The following CCDC93 variants were observed in gnomAD, a reference collection of about 807,000 sequenced individuals.
The protein encoded by CCDC93 is CCC complex scaffolding subunit CCDC93, also known as coiled-coil domain-containing protein 93.
A neutral mutation model predicts 108.2 loss-of-function variants in CCDC93; 61 were observed. The observed-to-expected ratio is 0.56, with a 90% CI of 0.46 to 0.70. CCDC93 has a LOEUF of 0.70. CCDC93 is among the 30% of genes least tolerant of loss of function. The pLI is 0.00. For missense variants in CCDC93, 685 were observed against 764.2 expected, an observed-to-expected ratio of 0.90 and a Z score of 1.22; for synonymous variants, 276 against 260.4, an observed-to-expected ratio of 1.06 and a Z score of -0.58.
rs527685354 is a variant in CCDC93, at chr2:117,963,496, G to A, written c.889-5015C>T. Among the ~76,000 whole-genome samples, 27 of 152,266 alleles carry A rather than the reference G, an allele frequency of 1.8e-4. 1 individual carries two copies. The South Asian group carries it at 4.4e-3, about 25-fold the overall frequency. On this transcript the variant is annotated intron_variant, in intron 11 of 23. Coordinates refer to ENST00000376300, the MANE Select transcript of CCDC93 (RefSeq NM_019044.5). Reference sequence around the variant, plus strand: ...TAGGAGGGAATCATCCACTTTCCCTGATCTATATTCTGCTTCCAAAAATGA... The same window carrying A: ...TAGGAGGGAATCATCCACTTTCCCTAATCTATATTCTGCTTCCAAAAATGA...
chr2:117,999,456 AT>A (rs1168924191), intron 4 of CCDC93: 1 of 152,198 alleles, frequency 6.6e-6, no homozygotes, highest in African/African-American at 2.4e-5. Context: ...AATGTAAGGG[AT>A]TATAATAAAC....
Position 117,916,257 on chromosome 2 carries a change from A to C in CCDC93, c.*4086T>G, listed in dbSNP as rs1677682914. ...TGCCCATCAAGTTACCTTTAGGTTC[A>C]TGACACATTTTGAGCCAAAACATAC... On this transcript the variant is annotated 3_prime_UTR_variant, in exon 24 of 24. Transcript: ENST00000376300. 1 of 152,164 alleles carries C rather than the reference A, an allele frequency of 6.6e-6. No individual in the cohort carries two copies. 9.4% of individuals were successfully genotyped at this position (152,164 alleles called of 1,614,324 possible). A position where few individuals can be genotyped will look rare whatever the true frequency, so the allele number is the denominator to read the frequency against.
intron 6 of CCDC93, 32 bp from the exon 7 acceptor site, chr2:117,986,101 G>A (rs770626538): frequency 6.4e-5 from 86 of 1,337,362 alleles, no homozygotes; most frequent in Non-Finnish European, 8.7e-5. Flanking sequence ...GTTACTGAGT[G>A]TGAGAAGGCT....
At chr2:117,927,152 C>T (rs1025145363) in intron 23 of CCDC93, among the ~76,000 whole-genome samples, 8 of 152,152 alleles carry the variant, frequency 5.3e-5, no homozygotes, top group Admixed American at 1.3e-4. Context: ...GACAAACCCA[C>T]AGTCAATATC....
At chr2:117,951,087 T>C in intron 13 of CCDC93, 3 of 849,934 alleles carry the variant, frequency 3.5e-6, no homozygotes, top group Non-Finnish European at 4.2e-6. Flanking sequence ...AGTCACTTAG[T>C]TTATATCCTA....
In CCDC93 at chr2:118,007,025, G is replaced by A. The variant is rs536484374; in HGVS notation, c.157-209C>T. Among the ~76,000 whole-genome samples, 143 of 141,308 alleles carry A rather than the reference G, an allele frequency of 1.0e-3. No homozygotes were observed. The Middle Eastern group carries it at 0.019, about 18-fold the overall frequency. 92.7% of individuals were successfully genotyped at this position (141,308 alleles called of 152,430 possible). A position where few individuals can be genotyped will look rare whatever the true frequency, so the allele number is the denominator to read the frequency against. ...TTACAGAAAACTTTCTGCAGTGACA[G>A]AAATATTCCGTTATCTGCAAGGACA... On this transcript the variant is annotated intron_variant, in intron 2 of 23. Transcript: ENST00000376300.
In CCDC93 at chr2:117,974,895, A is replaced by G; in HGVS notation, c.756T>C (p.Arg252=). The G allele has an allele frequency of 6.4e-7, 1 of 1,563,178 alleles. No homozygotes were observed. Among genetic ancestry groups the G allele is most frequent in the Non-Finnish European group, 8.7e-7 (1 of 1,152,834 alleles). Residue 252 remains arginine (R), a synonymous_variant, in exon 10 of 24, where the codon CGT becomes CGC. Transcript: ENST00000376300. Reference sequence around the variant, plus strand: ...TCATCTTGGTCATCAGCGACTGAATACGCTGCTGAAAGAGGAATGGAAGGG... The same window carrying G: ...TCATCTTGGTCATCAGCGACTGAATGCGCTGCTGAAAGAGGAATGGAAGGG... The part of the protein sequence containing the change: ...EDELRAAEEQ[R]IQSLMTKMTA...
Position 117,949,308 on chromosome 2 carries a change from C to A in CCDC93, c.1142+14G>T. The A allele has an allele frequency of 6.3e-7, 1 of 1,594,908 alleles. No homozygotes were observed. The highest frequency in any genetic ancestry group is 1.7e-5 in the Admixed American group (1 of 59,528). On this transcript the variant is annotated intron_variant, in intron 14 of 23. Transcript: ENST00000376300. ...TCATCAAAGCAAAAATAAGCACATG[C>A]TGAAACCTCTTACCTTGGATCAGCT...
chr2:117,991,992 G>A (rs538795670), intron 6 of CCDC93, among the ~76,000 whole-genome samples: 10 of 152,132 alleles, frequency 6.6e-5, no homozygotes, highest in Non-Finnish European at 1.5e-4. Context: ...GTGGTAGAAG[G>A]GAGGGAGGAA....
intron 22 of CCDC93, among the ~76,000 whole-genome samples, chr2:117,931,936 T>C (rs1678348144): frequency 6.6e-6 from 1 of 152,214 alleles, no homozygotes; most frequent in African/African-American, 2.4e-5. Flanking sequence ...GCAAAGTCAC[T>C]GCTCTCACAG....
intron 7 of CCDC93, among the ~76,000 whole-genome samples, chr2:117,980,714 T>C (rs79566551): frequency 0.097 from 14,816 of 152,304 alleles, 958 homozygotes; most frequent in East Asian, 0.27. Context: ...TCATATAATA[T>C]AAAATTCACC....
At chr2:117,995,707 G>A in intron 5 of CCDC93, 4 of 517,082 alleles carry the variant, frequency 7.7e-6, no homozygotes, top group Non-Finnish European at 1.4e-5. Context: ...TCCCTACACA[G>A]CCAGTAAGAA....
Position 117,919,121 on chromosome 2 carries a change from G to A in CCDC93, c.*1222C>T, listed in dbSNP as rs1188658719. The A allele has an allele frequency of 6.6e-6, 1 of 152,146 alleles. No homozygotes were observed. The highest frequency in any genetic ancestry group is 1.5e-5 in the Non-Finnish European group (1 of 68,050). The allele number at this position is 152,146 out of a possible 1,614,324, so 9.4% of individuals were successfully genotyped here. A position where few individuals can be genotyped will look rare whatever the true frequency, so the allele number is the denominator to read the frequency against. ...CAGACTCCTGAGGACCAGGGCAGCA[G>A]GAGCTCCATGTTTGATCTGCACTGG... On this transcript the variant is annotated 3_prime_UTR_variant, in exon 24 of 24. Transcript: ENST00000376300.
intron 8 of CCDC93, 132 bp from the exon 9 acceptor site, chr2:117,975,412 G>T: frequency 3.0e-6 from 2 of 664,992 alleles, no homozygotes; most frequent in South Asian, 1.8e-5. Flanking sequence ...TGAGAGAGTG[G>T]ATACTCCAAA....
At chr2:117,952,525 GA>G in intron 12 of CCDC93, 90 bp from the exon 13 acceptor site, 2 of 1,007,288 alleles carry the variant, frequency 2.0e-6, no homozygotes, top group Non-Finnish European at 3.1e-6. Flanking sequence ...TGAAAGCTCA[GA>G]AAGATTTAAA....
chr2:117,932,187 G>T (rs907449640), intron 22 of CCDC93, among the ~76,000 whole-genome samples: 7 of 152,208 alleles, frequency 4.6e-5, no homozygotes, highest in Non-Finnish European at 8.8e-5. Context: ...GCCAGGAAAT[G>T]AGGGCAGTAA....
Position 117,974,842 on chromosome 2 carries a change from C to A in CCDC93, c.801+8G>T. The A allele has an allele frequency of 6.4e-7, 1 of 1,568,478 alleles. No individual in the cohort carries two copies. On this transcript the variant is annotated splice_region_variant and intron_variant, in intron 10 of 23. Coordinates refer to ENST00000376300, the MANE Select transcript of CCDC93 (RefSeq NM_019044.5). ...CCCCATCCCCACACCTCCCCGACTC[C>A]CACTCACCTCCTCATTTGCCATAGC... is the stretch of plus-strand genomic sequence containing the variant.
chr2:117,938,644 G>A (rs938814268), intron 20 of CCDC93, among the ~76,000 whole-genome samples: 2 of 150,964 alleles, frequency 1.3e-5, no homozygotes, highest in Non-Finnish European at 2.9e-5. Flanking sequence ...CGCCTTTGTC[G>A]GCCACTGATG....
At chr2:117,958,594 G>A (rs1475387653) in intron 11 of CCDC93, 113 bp from the exon 12 acceptor site, 6 of 703,422 alleles carry the variant, frequency 8.5e-6, no homozygotes, top group African/African-American at 3.5e-5. Flanking sequence ...GTCACACCAA[G>A]CCAGGGCATT....
Sources: allele counts gnomAD v4.1 joint callset (sites outside exome capture counted in the v4.1 genomes callset), GRCh38; gene constraint gnomAD v4.1.1; transcripts MANE v1.5; gene names NCBI Gene and HGNC (gene_info 2026-07-23, HGNC 2026-07-21).